The following LHFPL6 variants were observed in gnomAD, a reference collection of about 807,000 sequenced individuals.
The protein encoded by LHFPL6 is LHFPL tetraspan subfamily member 6.
A neutral mutation model predicts 20.6 loss-of-function variants in LHFPL6; 9 were observed. That is an observed-to-expected ratio of 0.44 (90% confidence interval 0.26 to 0.76). LHFPL6 has a LOEUF of 0.76. Among genes scored for constraint, LHFPL6 ranks in the 30% least tolerant of loss-of-function variants. LHFPL6 has a pLI of 0.20. For synonymous variants in LHFPL6, 105 were observed against 98.7 expected (o/e 1.06, Z -0.38); for missense variants, 218 against 253.5 (o/e 0.86, Z 0.95).
chr13:39,552,328 G>A (rs1871163821), intron 2 of LHFPL6, among the ~76,000 whole-genome samples: 1 of 152,130 alleles, frequency 6.6e-6, no homozygotes, highest in Non-Finnish European at 1.5e-5. Context: ...CAAAGACTAT[G>A]ATTGTGACAG....
chr13:39,489,527 A>G (rs2138452344), intron 2 of LHFPL6, among the ~76,000 whole-genome samples: 1 of 149,810 alleles, frequency 6.7e-6, no homozygotes, highest in African/African-American at 2.5e-5. Context: ...AGGTATATCA[A>G]AGGAATGGAG....
At chr13:39,497,834 T>C (rs1307992031) in intron 2 of LHFPL6, among the ~76,000 whole-genome samples, 1 of 152,214 alleles carries the variant, frequency 6.6e-6, no homozygotes, top group Non-Finnish European at 1.5e-5. Context: ...TCTGATTTAA[T>C]TTCAGTAGCA....
At chr13:39,586,981 AC>A (rs1211739561) in intron 2 of LHFPL6, among the ~76,000 whole-genome samples, 1 of 152,046 alleles carries the variant, frequency 6.6e-6, no homozygotes, top group African/African-American at 2.4e-5. Context: ...GCATAGTGAA[AC>A]CCTGTCTCTC....
At chr13:39,551,757 AT>A (rs1000165247) in intron 2 of LHFPL6, among the ~76,000 whole-genome samples, 12 of 152,084 alleles carry the variant, frequency 7.9e-5, no homozygotes, top group African/African-American at 2.7e-4. Context: ...CAGATACTTA[AT>A]TTTTTTCTAA....
At chr13:39,352,435 G>A (rs1466320785) in intron 3 of LHFPL6, among the ~76,000 whole-genome samples, 2 of 152,162 alleles carry the variant, frequency 1.3e-5, no homozygotes, top group African/African-American at 4.8e-5. Context: ...GTACTGTATT[G>A]CTCTGGAAAG....
chr13:39,422,917 A>G (rs1871535796), intron 2 of LHFPL6, among the ~76,000 whole-genome samples: 1 of 152,162 alleles, frequency 6.6e-6, no homozygotes, highest in Non-Finnish European at 1.5e-5. Flanking sequence ...CCTTCTTCAC[A>G]TGGCAGCAGC....
In LHFPL6 at chr13:39,527,869, G is replaced by A. The variant is rs533277358; in HGVS notation, c.385+72963C>T. Among the ~76,000 whole-genome samples, 29 of 152,214 alleles carry A rather than the reference G, an allele frequency of 1.9e-4. No homozygotes were observed. In the South Asian group the frequency reaches 3.9e-3, roughly 21 times the overall value. Reference sequence around the variant, plus strand: ...CAAGTTGTCAGAAGTATACATTTGAGAACTTCTAGCAACTTCTATTTCTAA... The same window carrying A: ...CAAGTTGTCAGAAGTATACATTTGAAAACTTCTAGCAACTTCTATTTCTAA... On this transcript the variant is annotated intron_variant, in intron 2 of 3. Coordinates refer to ENST00000379589, the MANE Select transcript of LHFPL6 (RefSeq NM_005780.3).
At chr13:39,569,280 A>G (rs1871837450) in intron 2 of LHFPL6, among the ~76,000 whole-genome samples, 1 of 152,128 alleles carries the variant, frequency 6.6e-6, no homozygotes, top group African/African-American at 2.4e-5. Context: ...TTGCAAACCT[A>G]TTTGAATAGT....
rs377278119 is a variant in LHFPL6, at chr13:39,432,780, T to C, written c.386-54254A>G. Among the ~76,000 whole-genome samples the C allele has an allele frequency of 2.6e-5, 4 of 152,354 alleles. 1 individual carries two copies. The highest frequency in any genetic ancestry group is 4.1e-4 in the South Asian group (2 of 4,830). ...CAGATATTTTTATCAGTTTTATTTA[T>C]TGATGTTTCTGTAGGACCTAGAACA... is the stretch of plus-strand genomic sequence containing the variant. On this transcript the variant is annotated intron_variant, in intron 2 of 3. Transcript: ENST00000379589.
rs1869742067 is a variant in LHFPL6 at position 39,356,965 on chromosome 13, T to C, written c.485-12911A>G. Among the ~76,000 whole-genome samples the C allele has an allele frequency of 2.0e-5, 3 of 152,328 alleles. No homozygotes were observed. The South Asian group carries it at 6.2e-4, about 32-fold the overall frequency. ...CTGGCAGATCACTTGAGCTCAGAAGTTCGAGACCACCTTGAGCAACATGGT... is the reference window on the plus strand; with the variant it reads ...CTGGCAGATCACTTGAGCTCAGAAGCTCGAGACCACCTTGAGCAACATGGT... On this transcript the variant is annotated intron_variant, in intron 3 of 3. Transcript: ENST00000379589.
intron 2 of LHFPL6, among the ~76,000 whole-genome samples, chr13:39,594,745 A>C (rs1056186643): frequency 6.6e-6 from 1 of 152,262 alleles, no homozygotes; most frequent in Non-Finnish European, 1.5e-5. Flanking sequence ...AGACTGGATT[A>C]AGAAAATGTG....
intron 2 of LHFPL6, among the ~76,000 whole-genome samples, chr13:39,533,211 A>T (rs367785252): frequency 1.1e-4 from 16 of 152,370 alleles, no homozygotes; most frequent in African/African-American, 3.8e-4. Context: ...ATATCTGGGT[A>T]TGTGGGTATA....
intron 2 of LHFPL6, among the ~76,000 whole-genome samples, chr13:39,391,392 CT>C (rs1857401097): frequency 6.6e-6 from 1 of 152,094 alleles, no homozygotes; most frequent in African/African-American, 2.4e-5. Flanking sequence ...ACTTTCTTGC[CT>C]TTCTCTTGAG....
intron 2 of LHFPL6, among the ~76,000 whole-genome samples, chr13:39,545,375 T>A (rs1425119092): frequency 6.6e-6 from 1 of 152,040 alleles, no homozygotes; most frequent in Non-Finnish European, 1.5e-5. Flanking sequence ...CCATATTGTG[T>A]CCATTCCTAA....
At chr13:39,490,438 T>C (rs1868884398) in intron 2 of LHFPL6, among the ~76,000 whole-genome samples, 1 of 152,224 alleles carries the variant, frequency 6.6e-6, no homozygotes, top group South Asian at 2.1e-4. Context: ...AGAACAGTCC[T>C]GGTTTAGCCA....
intron 2 of LHFPL6, among the ~76,000 whole-genome samples, chr13:39,566,145 T>C (rs559081549): frequency 1.3e-5 from 2 of 152,090 alleles, no homozygotes; most frequent in Non-Finnish European, 2.9e-5. Context: ...TTTTATCCTG[T>C]TGGAACAAAA....
chr13:39,581,480 T>C lies in LHFPL6; in HGVS notation c.385+19352A>G, dbSNP rs143572322. The stretch of plus-strand genomic sequence containing the variant: ...CAGTGGGTGGATGAGATAAACGAAC[T>C]GACTTTCTTCCACCAGGCGATCAAA... On this transcript the variant is annotated intron_variant, in intron 2 of 3. Coordinates refer to ENST00000379589, the MANE Select transcript of LHFPL6 (RefSeq NM_005780.3). Among the ~76,000 whole-genome samples, 84 of 149,518 alleles carry C rather than the reference T, an allele frequency of 5.6e-4. No homozygotes were observed. In the East Asian group the frequency reaches 9.2e-3, roughly 16 times the overall value.
At chr13:39,406,171 T>G (rs962975511) in intron 2 of LHFPL6, among the ~76,000 whole-genome samples, 1 of 152,190 alleles carries the variant, frequency 6.6e-6, no homozygotes, top group Non-Finnish European at 1.5e-5. Context: ...CATAATAATG[T>G]GTTAGATGTG....
chr13:39,601,257 C>A lies in LHFPL6; in HGVS notation c.-41G>T. The A allele has an allele frequency of 6.4e-7, 1 of 1,559,712 alleles. No homozygotes were observed. The highest frequency in any genetic ancestry group is 8.7e-7 in the Non-Finnish European group (1 of 1,151,896). On this transcript the variant is annotated 5_prime_UTR_variant, in exon 2 of 4. Transcript: ENST00000379589. Reference sequence around the variant, plus strand: ...GCAATGAGGACCCCAAGTAAGTGTTCAGGGACTGCAGGAGTGAATGAAGGT... The same window carrying A: ...GCAATGAGGACCCCAAGTAAGTGTTAAGGGACTGCAGGAGTGAATGAAGGT...
Sources: gnomAD v4.1 joint callset for allele counts (sites outside exome capture counted in the v4.1 genomes callset) on GRCh38, gnomAD v4.1.1 for gene constraint, MANE v1.5 for transcripts, NCBI Gene and HGNC (gene_info 2026-07-23, HGNC 2026-07-21) for gene names.